BMAL1: variants seen among roughly 807,000 people sequenced by gnomAD.
BMAL1 encodes the protein basic helix-loop-helix ARNT like 1, also known as basic helix-loop-helix ARNT-like protein 1.
chr11:13,280,514 G>C, the BMAL1 span, among the ~76,000 whole-genome samples: 2 of 152,164 alleles, frequency 1.3e-5, no homozygotes, highest in African/African-American at 4.8e-5. Flanking sequence ...CTCTCACTGT[G>C]GTAGGAAAAT....
the BMAL1 span, among the ~76,000 whole-genome samples, chr11:13,280,122 G>T: frequency 6.6e-6 from 1 of 152,198 alleles, no homozygotes; most frequent in Non-Finnish European, 1.5e-5. Flanking sequence ...ATTCAGGTTG[G>T]TATTTACCTC....
chr11:13,379,981 G>A, the BMAL1 span: 2 of 152,198 alleles, frequency 1.3e-5, no homozygotes, highest in Admixed American at 1.3e-4. Flanking sequence ...GAGAGATGAA[G>A]GTGGGCATGT....
the BMAL1 span, among the ~76,000 whole-genome samples, chr11:13,310,268 G>A: frequency 6.6e-6 from 1 of 152,166 alleles, no homozygotes; most frequent in African/African-American, 2.4e-5. Context: ...GAGGCCAGAG[G>A]AGGGGAACCA....
chr11:13,374,298 G>T, the BMAL1 span: 2 of 1,148,192 alleles, frequency 1.7e-6, no homozygotes, highest in African/African-American at 3.1e-5. Flanking sequence ...CACTGAGGAT[G>T]TAGAGTCAGC....
the BMAL1 span, among the ~76,000 whole-genome samples, chr11:13,312,341 T>TAA: frequency 1.3e-5 from 2 of 152,226 alleles, no homozygotes; most frequent in East Asian, 3.9e-4. Context: ...TACTTTATCT[T>TAA]GCCTGTGTCT....
At chr11:13,381,226 CT>C in the BMAL1 span, 1 of 1,614,146 alleles carries the variant, frequency 6.2e-7, no homozygotes, top group Non-Finnish European at 8.5e-7. Context: ...ACGCCTCCCC[CT>C]GATGCCTCTT....
At chr11:13,294,176 C>T in the BMAL1 span, among the ~76,000 whole-genome samples, 6 of 151,826 alleles carry the variant, frequency 4.0e-5, no homozygotes, top group African/African-American at 1.4e-4. Flanking sequence ...TTAATTTGTT[C>T]ATTTGCTAAG....
the BMAL1 span, among the ~76,000 whole-genome samples, chr11:13,323,709 C>T: frequency 6.6e-5 from 10 of 152,170 alleles, no homozygotes; most frequent in Admixed American, 4.6e-4. Context: ...CTCCGCCTCC[C>T]GGGTTTGAGA....
At chr11:13,355,411 G>A in the BMAL1 span, 6 of 1,025,304 alleles carry the variant, frequency 5.9e-6, no homozygotes, top group African/African-American at 7.9e-5. Flanking sequence ...ACTGCGAGAT[G>A]TTGGCCACAA....
the BMAL1 span, among the ~76,000 whole-genome samples, chr11:13,291,182 T>C: frequency 9.9e-5 from 15 of 152,216 alleles, no homozygotes; most frequent in African/African-American, 3.6e-4. Flanking sequence ...TGTAAAAACC[T>C]TTCCAAATGC....
chr11:13,344,842 G>A, the BMAL1 span, among the ~76,000 whole-genome samples: 3 of 152,330 alleles, frequency 2.0e-5, no homozygotes, highest in African/African-American at 7.2e-5. Context: ...CAGGCACCAT[G>A]TAGTGGAGAG....
At chr11:13,341,118 A>G in the BMAL1 span, among the ~76,000 whole-genome samples, 1 of 152,078 alleles carries the variant, frequency 6.6e-6, no homozygotes, top group African/African-American at 2.4e-5. Flanking sequence ...CCTGTCTGGT[A>G]CCTAGGGGAG....
the BMAL1 span, among the ~76,000 whole-genome samples, chr11:13,358,093 TCTTTC>T: frequency 3.9e-5 from 6 of 152,154 alleles, no homozygotes; most frequent in Non-Finnish European, 5.9e-5. Flanking sequence ...ACCTCCCTTC[TCTTTC>T]CTTTCACCCC....
the BMAL1 span, among the ~76,000 whole-genome samples, chr11:13,347,799 G>A: frequency 6.6e-6 from 1 of 152,164 alleles, no homozygotes; most frequent in African/African-American, 2.4e-5. Flanking sequence ...GCAGTGAGCC[G>A]AGATCATGCC....
the BMAL1 span, among the ~76,000 whole-genome samples, chr11:13,325,627 A>G: frequency 7.0e-6 from 1 of 143,072 alleles, no homozygotes; most frequent in Non-Finnish European, 1.5e-5. Context: ...AGGCGTAGCC[A>G]TGCTGTCTGG....
the BMAL1 span, among the ~76,000 whole-genome samples, chr11:13,286,606 G>T: frequency 1.3e-5 from 2 of 152,142 alleles, no homozygotes; most frequent in Admixed American, 1.3e-4. Context: ...GAAGTATATG[G>T]CACTCAGCAA....
the BMAL1 span, among the ~76,000 whole-genome samples, chr11:13,386,292 CAA>C: frequency 1.3e-5 from 2 of 152,078 alleles, no homozygotes; most frequent in Non-Finnish European, 2.9e-5. Context: ...AAGCTTGACT[CAA>C]ATATTTTTAA....
the BMAL1 span, among the ~76,000 whole-genome samples, chr11:13,310,575 G>A: frequency 5.9e-5 from 9 of 152,274 alleles, no homozygotes; most frequent in South Asian, 4.1e-4. Flanking sequence ...TTTTGGCTTC[G>A]TAGGCCATGT....
the BMAL1 span, among the ~76,000 whole-genome samples, chr11:13,375,204 A>G: frequency 1.3e-5 from 2 of 152,240 alleles, no homozygotes; most frequent in Admixed American, 1.3e-4. Context: ...TGAATAGGTG[A>G]GTAGCCTCTG....
Sources: gnomAD v4.1 joint callset for allele counts (sites outside exome capture counted in the v4.1 genomes callset) on GRCh38, gnomAD v4.1.1 for gene constraint, MANE v1.5 for transcripts, NCBI Gene and HGNC (gene_info 2026-07-23, HGNC 2026-07-21) for gene names.